Variants in PCSK2 observed in about 807,000 individuals in gnomAD.
PCSK2 encodes the protein proprotein convertase subtilisin/kexin type 2.
Under a neutral mutation model 69.7 loss-of-function variants are expected in PCSK2, and 14 were observed. That is an observed-to-expected ratio of 0.20 (90% confidence interval 0.13 to 0.31). The LOEUF (loss-of-function observed/expected upper bound fraction) is 0.31. PCSK2 is among the 10% of genes least tolerant of loss of function. PCSK2 has a pLI of 1.00. For missense variants in PCSK2, 544 were observed against 842.5 expected (o/e 0.65, Z 4.39); for synonymous variants, 307 against 320.7 (o/e 0.96, Z 0.46).
intron 2 of PCSK2, among the ~76,000 whole-genome samples, chr20:17,353,338 G>A (rs201076738): frequency 1.3e-5 from 2 of 151,910 alleles, no homozygotes; most frequent in East Asian, 1.9e-4. Flanking sequence ...GGTGGCACAC[G>A]CCTATAGTCC....
intron 8 of PCSK2, among the ~76,000 whole-genome samples, chr20:17,437,875 G>A (rs886785155): frequency 4.6e-5 from 7 of 152,192 alleles, no homozygotes; most frequent in South Asian, 2.1e-4. Flanking sequence ...AAACTGTTGC[G>A]TCTTCATGAG....
At chr20:17,394,298 AC>A (rs1212188755) in intron 5 of PCSK2, among the ~76,000 whole-genome samples, 3 of 152,242 alleles carry the variant, frequency 2.0e-5, no homozygotes, top group African/African-American at 7.2e-5. Flanking sequence ...TTTATCTGAT[AC>A]ATTTGTTGAG....
chr20:17,475,747 T>C (rs764756718), intron 11 of PCSK2, among the ~76,000 whole-genome samples: 1 of 152,196 alleles, frequency 6.6e-6, no homozygotes, highest in Admixed American at 6.5e-5. Context: ...TCAGCTGGTG[T>C]TCTGAATTCT....
intron 6 of PCSK2, among the ~76,000 whole-genome samples, chr20:17,417,150 G>A (rs2032017905): frequency 6.6e-6 from 1 of 152,100 alleles, no homozygotes; most frequent in Non-Finnish European, 1.5e-5. Flanking sequence ...TTGTGCACGT[G>A]TACCCTAGAA....
At chr20:17,432,398 G>T (rs1465073920) in intron 7 of PCSK2, among the ~76,000 whole-genome samples, 1 of 152,136 alleles carries the variant, frequency 6.6e-6, no homozygotes, top group Non-Finnish European at 1.5e-5. Context: ...TCATCCTGCA[G>T]TCTTCAAGCT....
intron 1 of PCSK2, chr20:17,228,189 G>A (rs546026227): frequency 3.9e-5 from 6 of 152,356 alleles, no homozygotes; most frequent in African/African-American, 1.2e-4. Context: ...GATTCCCTAC[G>A]GAGAAGTCGA....
chr20:17,227,609 G>A (rs146052264), intron 1 of PCSK2, 127 bp downstream of exon 1: 74 of 678,380 alleles, frequency 1.1e-4, no homozygotes, highest in Non-Finnish European at 1.7e-4. Flanking sequence ...TCTGCCATGG[G>A]CTCTTTAACA....
intron 2 of PCSK2, among the ~76,000 whole-genome samples, chr20:17,277,818 C>T (rs1426279863): frequency 3.3e-5 from 5 of 151,982 alleles, no homozygotes; most frequent in Non-Finnish European, 4.4e-5. Flanking sequence ...GCAACCTACT[C>T]ATCTGACAAA....
intron 2 of PCSK2, among the ~76,000 whole-genome samples, chr20:17,275,017 A>G (rs1478344049): frequency 6.6e-6 from 1 of 151,096 alleles, no homozygotes; most frequent in African/African-American, 2.4e-5. Flanking sequence ...TCTTAGTTTT[A>G]TAGTTGTATA....
intron 1 of PCSK2, among the ~76,000 whole-genome samples, chr20:17,238,478 A>G (rs1342101775): frequency 2.0e-5 from 3 of 152,218 alleles, no homozygotes; most frequent in African/African-American, 7.2e-5. Flanking sequence ...TAATAAATGA[A>G]GGAAATAAAT....
At chr20:17,415,674 A>T (rs1600562260) in intron 6 of PCSK2, among the ~76,000 whole-genome samples, 1 of 152,346 alleles carries the variant, frequency 6.6e-6, no homozygotes, top group African/African-American at 2.4e-5. Context: ...AGAATTGGAA[A>T]AAAACTACTT....
intron 2 of PCSK2, among the ~76,000 whole-genome samples, chr20:17,283,325 G>A (rs73094412): frequency 1.3e-5 from 2 of 152,072 alleles, no homozygotes; most frequent in Non-Finnish European, 2.9e-5. Context: ...ATTCACAAGC[G>A]GGGGCATTCA....
chr20:17,243,953 T>C (rs1568567511), intron 1 of PCSK2, among the ~76,000 whole-genome samples: 1 of 152,130 alleles, frequency 6.6e-6, no homozygotes, highest in Non-Finnish European at 1.5e-5. Flanking sequence ...TTGGGCCAGA[T>C]TTTTTATTTT....
At chr20:17,474,529 C>G (rs1335286696) in intron 11 of PCSK2, among the ~76,000 whole-genome samples, 1 of 152,198 alleles carries the variant, frequency 6.6e-6, no homozygotes, top group Non-Finnish European at 1.5e-5. Context: ...AGACCTTTAG[C>G]CTGGGCAATC....
chr20:17,399,532 C>T (rs1399745911), intron 5 of PCSK2, among the ~76,000 whole-genome samples: 1 of 152,178 alleles, frequency 6.6e-6, no homozygotes, highest in Non-Finnish European at 1.5e-5. Flanking sequence ...GGTGTTTCTG[C>T]CTGCCAATGC....
At chr20:17,440,624 G>A (rs745346800) in intron 8 of PCSK2, among the ~76,000 whole-genome samples, 1 of 152,208 alleles carries the variant, frequency 6.6e-6, no homozygotes, top group Non-Finnish European at 1.5e-5. Context: ...ACTTTGGGGG[G>A]CTAAGGCGGG....
chr20:17,429,465 T>G lies in PCSK2; in HGVS notation c.651T>G (p.Ser217=), dbSNP rs767298162. Residue 217 remains serine, a synonymous_variant, in exon 7 of 12, where the codon TCT becomes TCG. Coordinates refer to ENST00000262545, the MANE Select transcript of PCSK2 (RefSeq NM_002594.5). ...GGACCCGATGTGCAGGAGAAGTTTC[T>G]GCTGCCGCCAACAACAATATCTGTG... ...SHGTRCAGEV[S]AAANNNICGV... is the part of the protein sequence containing the mutation. The G allele has an allele frequency of 6.2e-7, 1 of 1,614,088 alleles. No homozygotes were observed. The highest frequency in any genetic ancestry group is 1.1e-5 in the South Asian group (1 of 91,046).
intron 11 of PCSK2, among the ~76,000 whole-genome samples, chr20:17,479,867 G>T (rs1053682097): frequency 6.7e-6 from 1 of 149,420 alleles, no homozygotes; most frequent in African/African-American, 2.5e-5. Flanking sequence ...TAAATAACCT[G>T]CCCAAGCTCT....
intron 2 of PCSK2, among the ~76,000 whole-genome samples, chr20:17,315,755 T>C (rs1600483687): frequency 6.6e-6 from 1 of 152,150 alleles, no homozygotes; most frequent in South Asian, 2.1e-4. Context: ...TGGCGCTGGG[T>C]GAATGTGAAT....
Sources: allele counts gnomAD v4.1 joint callset (sites outside exome capture counted in the v4.1 genomes callset), GRCh38; gene constraint gnomAD v4.1.1; transcripts MANE v1.5; gene names NCBI Gene and HGNC (gene_info 2026-07-23, HGNC 2026-07-21).